Variants in KIF3A observed in about 807,000 individuals in gnomAD.
KIF3A encodes kinesin family member 3A, also known as kinesin-like protein KIF3A.
Under a neutral mutation model 92.6 loss-of-function variants are expected in KIF3A, and 27 were observed. The ratio of observed to expected loss-of-function variants is 0.29; its 90% CI spans 0.21 to 0.40. The LOEUF (loss-of-function observed/expected upper bound fraction) is 0.40, where lower values mean the gene tolerates loss of function less well. Ranked by LOEUF, KIF3A falls within the 10% of genes least tolerant of loss-of-function variation. The probability of loss-of-function intolerance (pLI) is 1.00; values close to 1 mark genes in which losing one functional copy is unlikely to be tolerated. For synonymous variants in KIF3A, 250 were observed against 275.4 expected, an observed-to-expected ratio of 0.91 and a Z score of 0.92; for missense variants, 581 against 872.6, an observed-to-expected ratio of 0.67 and a Z score of 4.21.
chr5:132,709,614 G>T (rs1359343089), intron 9 of KIF3A, among the ~76,000 whole-genome samples: 1 of 151,114 alleles, frequency 6.6e-6, no homozygotes, highest in African/African-American at 2.4e-5. Flanking sequence ...TAACAAATCT[G>T]TTATCAGCTT....
At chr5:132,713,841 T>C (rs1753515641) in intron 8 of KIF3A, among the ~76,000 whole-genome samples, 1 of 148,792 alleles carries the variant, frequency 6.7e-6, no homozygotes, top group African/African-American at 2.4e-5. Context: ...GGCATTATAC[T>C]AAATGAAATA....
At chr5:132,701,398 C>G (rs1002787912) in intron 15 of KIF3A, among the ~76,000 whole-genome samples, 1 of 148,958 alleles carries the variant, frequency 6.7e-6, no homozygotes, top group Non-Finnish European at 1.5e-5. Flanking sequence ...ACTCGGGAGG[C>G]AGAGGCATGA....
At chr5:132,703,764 A>G (rs1401314055) in intron 11 of KIF3A, 145 bp from the exon 12 acceptor site, 4 of 588,848 alleles carry the variant, frequency 6.8e-6, no homozygotes, top group Non-Finnish European at 1.2e-5. Flanking sequence ...CAAACCAATA[A>G]TATCATGCAT....
Position 132,695,111 on chromosome 5 carries a change from A to C in KIF3A, c.*1523T>G, listed in dbSNP as rs919912827. ...ACCAATGTGTTTCAGGGCTGATTAC[A>C]TAATTTTGAAAACCACAAAACATAT... is the stretch of plus-strand genomic sequence containing the variant. On this transcript the variant is annotated 3_prime_UTR_variant, in exon 19 of 19. Coordinates refer to ENST00000403231, the MANE Select transcript of KIF3A (RefSeq NM_001300791.2). The C allele has an allele frequency of 1.3e-5, 2 of 152,352 alleles. No homozygotes were observed. The highest frequency in any genetic ancestry group is 4.8e-5 in the African/African-American group (2 of 41,456). 9.4% of individuals were successfully genotyped at this position (152,352 alleles called of 1,614,324 possible). A position where few individuals can be genotyped will look rare whatever the true frequency, so the allele number is the denominator to read the frequency against.
intron 10 of KIF3A, among the ~76,000 whole-genome samples, chr5:132,707,258 T>C (rs1317377422): frequency 6.6e-6 from 1 of 152,084 alleles, no homozygotes; most frequent in East Asian, 1.9e-4. Context: ...CAGGAGTCAC[T>C]GCCAATTAAG....
At chr5:132,733,647 G>GTTC (rs1754306394) in intron 2 of KIF3A, among the ~76,000 whole-genome samples, 3 of 152,138 alleles carry the variant, frequency 2.0e-5, no homozygotes, top group Admixed American at 6.5e-5. Context: ...CACAGCTGTA[G>GTTC]TTCTCATTAC....
chr5:132,712,220 G>C (rs1359103300), intron 8 of KIF3A, among the ~76,000 whole-genome samples: 1 of 152,220 alleles, frequency 6.6e-6, no homozygotes, highest in Admixed American at 6.5e-5. Flanking sequence ...AGGGACCAGA[G>C]AGAAGTGAAT....
At chr5:132,709,827 G>C (rs2149900815) in intron 9 of KIF3A, among the ~76,000 whole-genome samples, 1 of 152,318 alleles carries the variant, frequency 6.6e-6, no homozygotes, top group Middle Eastern at 3.4e-3. Context: ...TACAAAAACA[G>C]GTGGTGAGCT....
At chr5:132,734,629 T>A (rs962238652) in intron 1 of KIF3A, 151 bp from the exon 2 acceptor site, 5 of 644,032 alleles carry the variant, frequency 7.8e-6, no homozygotes, top group Admixed American at 6.9e-5. Flanking sequence ...CAATTAAAGA[T>A]CTTACATATA....
At chr5:132,723,854 G>T (rs961067736) in intron 4 of KIF3A, 3 of 152,130 alleles carry the variant, frequency 2.0e-5, no homozygotes, top group African/African-American at 7.2e-5. Flanking sequence ...CCATCAGAGT[G>T]AACAGGCAAC....
intron 10 of KIF3A, 132 bp downstream of exon 10, chr5:132,708,775 C>G (rs1753313412): frequency 1.8e-6 from 1 of 556,688 alleles, no homozygotes; most frequent in Non-Finnish European, 3.2e-6. Flanking sequence ...TCATCACATG[C>G]TTTGTTCTAC....
intron 2 of KIF3A, 61 bp downstream of exon 2, chr5:132,734,144 T>A (rs1217038654): frequency 3.0e-6 from 4 of 1,323,416 alleles, no homozygotes; most frequent in Non-Finnish European, 4.2e-6. Context: ...AATATGTGAA[T>A]TTATGGCACA....
At chr5:132,688,859 C>T (rs1331657220), downstream of KIF3A, among the ~76,000 whole-genome samples, 3 of 152,128 alleles carry the variant, frequency 2.0e-5, no homozygotes, top group African/African-American at 7.2e-5. Context: ...CAGTTAAATT[C>T]CTTTGCACAA....
intron 2 of KIF3A, among the ~76,000 whole-genome samples, chr5:132,730,130 G>A (rs147741786): frequency 6.6e-6 from 1 of 152,226 alleles, no homozygotes; most frequent in Admixed American, 6.5e-5. Flanking sequence ...CAACTTAGAT[G>A]AAACGGACTA....
At position 132,706,446 on chromosome 5, in the gene KIF3A, C is replaced by A; in HGVS notation, c.1309+5G>T. Reference sequence around the variant, plus strand: ...CCATGTGGAGTGCAAATCAATCACACCAACCTGCTTGATCTTGCAATAAGA... The same window carrying A: ...CCATGTGGAGTGCAAATCAATCACAACAACCTGCTTGATCTTGCAATAAGA... On this transcript the variant is annotated splice_donor_5th_base_variant and intron_variant, in intron 11 of 18. Transcript: ENST00000403231. 5 of 1,541,882 alleles carry A rather than the reference C, an allele frequency of 3.2e-6. No individual in the cohort carries two copies. The highest frequency in any genetic ancestry group is 4.4e-6 in the Non-Finnish European group (5 of 1,142,942).
intron 2 of KIF3A, among the ~76,000 whole-genome samples, chr5:132,727,560 C>G (rs1336488078): frequency 6.6e-6 from 1 of 151,986 alleles, no homozygotes; most frequent in Non-Finnish European, 1.5e-5. Context: ...ATGGAAGAAA[C>G]AGAGATGGAA....
chr5:132,732,543 G>A (rs1039998060), intron 2 of KIF3A, among the ~76,000 whole-genome samples: 7 of 152,142 alleles, frequency 4.6e-5, no homozygotes, highest in Non-Finnish European at 7.4e-5. Flanking sequence ...TTGGGAGGCC[G>A]AGGCGGGTGG....
chr5:132,715,022 G>A (rs949733700), intron 8 of KIF3A, among the ~76,000 whole-genome samples: 1 of 152,060 alleles, frequency 6.6e-6, no homozygotes, highest in Non-Finnish European at 1.5e-5. Context: ...TTGTGATGCT[G>A]GCGTCTCTGA....
downstream of KIF3A, chr5:132,689,963 T>C (rs1284802916): frequency 6.6e-6 from 1 of 152,348 alleles, no homozygotes; most frequent in African/African-American, 2.4e-5. Context: ...CTCACGCCTG[T>C]AATCCCAGCG....
Sources: allele counts gnomAD v4.1 joint callset (sites outside exome capture counted in the v4.1 genomes callset), GRCh38; gene constraint gnomAD v4.1.1; transcripts MANE v1.5; gene names NCBI Gene and HGNC (gene_info 2026-07-23, HGNC 2026-07-21).